The following SERINC4 variants were observed in gnomAD, a reference collection of about 807,000 sequenced individuals.
SERINC4 encodes serine incorporator 4.
In SERINC4, 52 loss-of-function variants were observed where a neutral mutation model predicts 52.0. That is an observed-to-expected ratio of 1.00 (90% CI 0.80 to 1.26). SERINC4 has a LOEUF of 1.26. SERINC4 is among the 50% of genes most tolerant of loss of function. The probability of loss-of-function intolerance (pLI) is 0.00; values close to 1 mark genes in which losing one functional copy is unlikely to be tolerated. For missense variants in SERINC4, 723 were observed against 632.8 expected, an observed-to-expected ratio of 1.14 and a Z score of -1.53; for synonymous variants, 264 against 247.7, an observed-to-expected ratio of 1.07 and a Z score of -0.62.
At chr15:43,796,116 G>T (rs1312256238) in intron 9 of SERINC4, 39 bp downstream of exon 9, 2 of 1,401,290 alleles carry the variant, frequency 1.4e-6, no homozygotes, top group Non-Finnish European at 1.0e-6. Context: ...TTGTGTGGGG[G>T]AGGGAGGGTG....
rs747819336 is a variant in SERINC4, at chr15:43,797,815, G to T, written c.632+105C>A. 3 of 761,100 alleles carry T rather than the reference G, an allele frequency of 3.9e-6. No individual in the cohort carries two copies. In the South Asian group the frequency reaches 4.8e-5, roughly 12 times the overall value. 47.1% of individuals were successfully genotyped at this position (761,100 alleles called of 1,614,324 possible). A position where few individuals can be genotyped will look rare whatever the true frequency, so the allele number is the denominator to read the frequency against. ...AAGCTTTTTTGATACTGCTCAGTGG[G>T]AAGCTGTGGGACCAGTGCTCTGCCG... is the stretch of plus-strand genomic sequence containing the variant. On this transcript the variant is annotated intron_variant, in intron 5 of 11. Transcript: ENST00000319327.
intron 11 of SERINC4, 21 bp downstream of exon 11, chr15:43,795,367 C>CT: frequency 6.2e-7 from 1 of 1,613,850 alleles, no homozygotes; most frequent in East Asian, 2.2e-5. Flanking sequence ...AGGAGAGTAT[C>CT]TAAGGCCCAC....
In SERINC4 at chr15:43,798,641, C is replaced by G. The variant is rs192465822; in HGVS notation, c.459-137G>C. The G allele has an allele frequency of 1.7e-4, 115 of 693,352 alleles. No homozygotes were observed. The African/African-American group carries it at 1.9e-3, about 11-fold the overall frequency. The allele number at this position is 693,352 out of a possible 1,614,324, so 42.9% of individuals were successfully genotyped here. A position where few individuals can be genotyped will look rare whatever the true frequency, so the allele number is the denominator to read the frequency against. ...CGAGACAACTAAGGAGGAACCAATCCCAAATGAGAGGGGGTTGGGACAGGC... is the reference window on the plus strand; with the variant it reads ...CGAGACAACTAAGGAGGAACCAATCGCAAATGAGAGGGGGTTGGGACAGGC... On this transcript the variant is annotated intron_variant, in intron 3 of 11. Transcript: ENST00000319327.
In SERINC4 at chr15:43,800,132, C is replaced by G; in HGVS notation, c.-146G>C. 1 of 625,996 alleles carries G rather than the reference C, an allele frequency of 1.6e-6. No homozygotes were observed. The highest frequency in any genetic ancestry group is 2.7e-6 in the Non-Finnish European group (1 of 365,540). The allele number at this position is 625,996 out of a possible 1,614,324, so 38.8% of individuals were successfully genotyped here. Reference sequence around the variant, plus strand: ...GAATGGAGACGTCCGGAAGAGAACACTGACCTCCAGGTTGCGGTAAATGCA... The same window carrying G: ...GAATGGAGACGTCCGGAAGAGAACAGTGACCTCCAGGTTGCGGTAAATGCA... On this transcript the variant is annotated 5_prime_UTR_variant, in exon 1 of 12. Transcript: ENST00000319327.
Position 43,797,259 on chromosome 15 carries a change from A to G in SERINC4, c.730T>C (p.Phe244Leu), listed in dbSNP as rs2087234019. Reference sequence around the variant, plus strand: ...CCAGCTGGGTGTGTATAATAGTGGAATAGGAGCACAGCTCCCACACCTGCC... The same window carrying G: ...CCAGCTGGGTGTGTATAATAGTGGAGTAGGAGCACAGCTCCCACACCTGCC... The part of the protein sequence containing the change: ...SMAGVGAVLL[F>L]HYYTHPAGCL... The change falls in exon 6 of 12, where the codon TTC (phenylalanine) becomes CTC (leucine). Residue 244 changes from phenylalanine to leucine, a missense_variant. Physicochemically the swap from Phe to Leu is conservative, Grantham distance 22 (BLOSUM62 0). Transcript: ENST00000319327. 6.4e-7 allele frequency: 1 copy of G among 1,550,404 alleles called. No homozygotes were observed. Among genetic ancestry groups the G allele is most frequent in the Non-Finnish European group, 8.7e-7 (1 of 1,146,966 alleles).
rs201789586 is a variant in SERINC4 at position 43,796,859 on chromosome 15, C to T, written c.926G>A (p.Arg309His). The T allele has an allele frequency of 2.4e-4, 388 of 1,613,918 alleles. 5 individuals are homozygous for T. In the South Asian group the frequency reaches 3.9e-3, roughly 16 times the overall value. ...CTGTCCCTTACCTCTCTCTGGAGGA[C>T]GGCTGGACAGTGCAGAGAAAGTCAG... ...MYLTFSALSS[R>H]PPERVILQGQ... The change falls in exon 7 of 12, where the codon CGT becomes CAT. Residue 309 changes from arginine to histidine, a missense_variant. Physicochemically the swap from Arg to His is conservative, Grantham distance 29 (BLOSUM62 0). Transcript: ENST00000319327.
Position 43,799,110 on chromosome 15 carries a change from G to A in SERINC4, c.307C>T (p.His103Tyr), listed in dbSNP as rs2087268559. The A allele has an allele frequency of 6.5e-7, 1 of 1,550,210 alleles. No individual in the cohort carries two copies. Among genetic ancestry groups the A allele is most frequent in the Non-Finnish European group, 8.7e-7 (1 of 1,146,678 alleles). The change falls in exon 3 of 12, where the codon CAC becomes TAC. Residue 103 changes from histidine (H) to tyrosine (Y), a missense_variant. Coordinates refer to ENST00000319327, the MANE Select transcript of SERINC4 (RefSeq NM_001258031.2). Reference protein sequence around the residue: ...RIQMPSGLCAHLFGLSDCPVL... With the variant: ...RIQMPSGLCAYLFGLSDCPVL... ...GGACAGTCAGAGAGGCCAAACAGGTGGGCACACAACCCCGAGGGCATCTGG... is the reference window on the plus strand; with the variant it reads ...GGACAGTCAGAGAGGCCAAACAGGTAGGCACACAACCCCGAGGGCATCTGG...
chr15:43,800,208 C>G lies in SERINC4; in HGVS notation c.-222G>C, dbSNP rs2087291220. On this transcript the variant is annotated 5_prime_UTR_variant, in exon 1 of 12. Coordinates refer to ENST00000319327, the MANE Select transcript of SERINC4 (RefSeq NM_001258031.2). ...TTAGGGCCTCAACACTGCGGCCACT[C>G]AGGCTGTTCTCTCCAGATTAGGGGG... 1.0e-5 allele frequency: 6 copies of G among 588,430 alleles called. No individual in the cohort carries two copies. Among genetic ancestry groups the G allele is most frequent in the Non-Finnish European group, 1.2e-5 (4 of 332,166 alleles). 36.5% of individuals were successfully genotyped at this position (588,430 alleles called of 1,614,324 possible). A position where few individuals can be genotyped will look rare whatever the true frequency, so the allele number is the denominator to read the frequency against.
In SERINC4 at chr15:43,795,718, AG is replaced by A; in HGVS notation, c.1158del (p.Cys387AlafsTer115). 1 of 1,614,102 alleles carries A rather than the reference AG, an allele frequency of 6.2e-7. No individual in the cohort carries two copies. Among genetic ancestry groups the A allele is most frequent in the Non-Finnish European group, 8.5e-7 (1 of 1,179,986 alleles). The part of the protein sequence containing the change: ...SYEFQKPSLC[F>X]CCPETVEADK... ...TCTGCCTCCACTGTTTCAGGGCAGC[AG>A]AAACACAGTGAGGGCTTCTGCAAAA... On this transcript the variant is annotated frameshift_variant, in exon 10 of 12. Coordinates refer to ENST00000319327, the MANE Select transcript of SERINC4 (RefSeq NM_001258031.2). LOFTEE classifies it high-confidence loss of function.
intron 3 of SERINC4, 37 bp downstream of exon 3, chr15:43,798,922 C>A (rs1333099053): frequency 6.5e-7 from 1 of 1,546,574 alleles, no homozygotes; most frequent in East Asian, 2.4e-5. Context: ...TACTTTCCCT[C>A]CTCTGTCCCC....
intron 5 of SERINC4, 190 bp from the exon 6 acceptor site, chr15:43,797,546 C>T (rs35179502): frequency 0.022 from 12,620 of 576,738 alleles, 190 homozygotes; most frequent in Non-Finnish European, 0.028. Context: ...GCACCTACCA[C>T]CATGTCCAGC....
chr15:43,796,569 C>G (rs368253685), intron 8 of SERINC4, 47 bp downstream of exon 8: 41 of 1,607,468 alleles, frequency 2.6e-5, no homozygotes, highest in South Asian at 1.7e-4. Context: ...CCTTCCCTGT[C>G]TTGGGCACCC....
intron 4 of SERINC4, 78 bp from the exon 5 acceptor site, chr15:43,798,091 C>G: frequency 9.4e-7 from 1 of 1,067,442 alleles, no homozygotes; most frequent in African/African-American, 1.6e-5. Context: ...GCTCTGTCAC[C>G]CAGGCTAGAG....
At chr15:43,797,454 G>A in intron 5 of SERINC4, 98 bp from the exon 6 acceptor site, 1 of 895,822 alleles carries the variant, frequency 1.1e-6, no homozygotes, top group South Asian at 1.6e-5. Context: ...GTGCAATGGT[G>A]TGGTCTCAGC....
chr15:43,799,794 C>G, intron 1 of SERINC4, 91 bp downstream of exon 1: 1 of 1,032,362 alleles, frequency 9.7e-7, no homozygotes, highest in Non-Finnish European at 1.5e-6. Context: ...ACCAGAACGA[C>G]ATTAGAGGAG....
rs1053970955 is a variant in SERINC4 at position 43,800,141 on chromosome 15, A to T, written c.-155T>A. Reference sequence around the variant, plus strand: ...CGTCCGGAAGAGAACACTGACCTCCAGGTTGCGGTAAATGCAAATGCCCTG... The same window carrying T: ...CGTCCGGAAGAGAACACTGACCTCCTGGTTGCGGTAAATGCAAATGCCCTG... On this transcript the variant is annotated 5_prime_UTR_variant, in exon 1 of 12. Coordinates refer to ENST00000319327, the MANE Select transcript of SERINC4 (RefSeq NM_001258031.2). 4.9e-6 allele frequency: 3 copies of T among 611,534 alleles called. No individual in the cohort carries two copies. Among genetic ancestry groups the T allele is most frequent in the African/African-American group, 3.7e-5 (2 of 54,080 alleles). The allele number at this position is 611,534 out of a possible 1,614,324, so 37.9% of individuals were successfully genotyped here.
chr15:43,795,681 C>T lies in SERINC4; in HGVS notation c.1189+7G>A, dbSNP rs1332257967. 1.2e-6 allele frequency: 2 copies of T among 1,613,962 alleles called. No individual in the cohort carries two copies. The highest frequency in any genetic ancestry group is 1.7e-6 in the Non-Finnish European group (2 of 1,179,862). On this transcript the variant is annotated splice_region_variant and intron_variant, in intron 10 of 11. Transcript: ENST00000319327. ...CCACTTCTTATGGTTCCTCACTTGGCACTCACCTTTGTCTGCCTCCACTGT... is the reference window on the plus strand; with the variant it reads ...CCACTTCTTATGGTTCCTCACTTGGTACTCACCTTTGTCTGCCTCCACTGT...
intron 4 of SERINC4, 115 bp from the exon 5 acceptor site, chr15:43,798,128 C>T: frequency 9.8e-6 from 7 of 715,006 alleles, no homozygotes; most frequent in Non-Finnish European, 1.7e-5. Context: ...CAGCTCACTG[C>T]AACCTCTGCC....
chr15:43,795,160 A>G lies in SERINC4; in HGVS notation c.1397T>C (p.Phe466Ser), dbSNP rs1288634711. 3.7e-6 allele frequency: 6 copies of G among 1,613,984 alleles called. No individual in the cohort carries two copies. Among genetic ancestry groups the G allele is most frequent in the Non-Finnish European group, 5.1e-6 (6 of 1,180,018 alleles). ...KTFIKGSWAT[F>S]WVKVASCWAC... ...CCAGCATGAGGCAACCTTGACCCAG[A>G]AGGTGGCCCAGCTACCCTTGATGAA... Residue 466 changes from phenylalanine (F) to serine (S), a missense_variant, in exon 12 of 12, where the codon TTC (phenylalanine) becomes TCC (serine). By Grantham distance (155) the Phe-to-Ser change is radical. Coordinates refer to ENST00000319327, the MANE Select transcript of SERINC4 (RefSeq NM_001258031.2).
Sources: gnomAD v4.1 joint callset for allele counts on GRCh38, gnomAD v4.1.1 for gene constraint, MANE v1.5 for transcripts, NCBI Gene and HGNC (gene_info 2026-07-23, HGNC 2026-07-21) for gene names.